Variants in RYR2 observed in about 807,000 individuals in gnomAD.
RYR2 encodes the protein cardiac muscle ryanodine receptor-calcium release channel.
RYR2 carries 227 observed loss-of-function variants against 601.1 expected under a neutral mutation model. The observed-to-expected ratio is 0.38, with a 90% CI of 0.34 to 0.42. The LOEUF (loss-of-function observed/expected upper bound fraction) is 0.42, where lower values mean the gene tolerates loss of function less well. Ranked by LOEUF, RYR2 falls within the 10% of genes least tolerant of loss-of-function variation. The probability of loss-of-function intolerance (pLI) is 1.00; values close to 1 mark genes in which losing one functional copy is unlikely to be tolerated. For synonymous variants in RYR2, 2,223 were observed against 2,175.1 expected, an observed-to-expected ratio of 1.02 and a Z score of -0.61; for missense variants, 4,646 against 6,156.5, an observed-to-expected ratio of 0.75 and a Z score of 8.21.
intron 97 of RYR2, among the ~76,000 whole-genome samples, chr1:237,800,236 T>A (rs1659801835): frequency 6.6e-6 from 1 of 152,210 alleles, no homozygotes; most frequent in African/African-American, 2.4e-5. Flanking sequence ...TGTTTTAGAT[T>A]GCTTTAATGT....
At position 237,428,049 on chromosome 1, in the gene RYR2, A is replaced by C. The variant is rs146710298; in HGVS notation, c.1005+4801A>C. Among the ~76,000 whole-genome samples, 5 of 152,196 alleles carry C rather than the reference A, an allele frequency of 3.3e-5. No individual in the cohort carries two copies. In the Middle Eastern group the frequency reaches 9.5e-3, roughly 289 times the overall value. On this transcript the variant is annotated intron_variant, in intron 12 of 104. Coordinates refer to ENST00000366574, the MANE Select transcript of RYR2 (RefSeq NM_001035.3). ...ATAAATGCAAATCAAAACCACAATG[A>C]GATACCAACTCATACCAGTCAAAAT...
intron 1 of RYR2, among the ~76,000 whole-genome samples, chr1:237,192,954 G>A (rs955185854): frequency 6.6e-6 from 1 of 151,788 alleles, no homozygotes; most frequent in Non-Finnish European, 1.5e-5. Flanking sequence ...GTATCCTTCC[G>A]AATCCCAAAT....
intron 1 of RYR2, among the ~76,000 whole-genome samples, chr1:237,109,257 A>G (rs572352225): frequency 1.1e-4 from 17 of 152,040 alleles, no homozygotes; most frequent in Admixed American, 9.8e-4. Flanking sequence ...ATAGGTTGCA[A>G]AGAAAAATGT....
At chr1:237,569,116 G>A (rs369469115) in intron 28 of RYR2, 29 bp from the exon 29 acceptor site, 217 of 1,591,446 alleles carry the variant, frequency 1.4e-4, no homozygotes, top group Middle Eastern at 8.7e-4. Flanking sequence ...CTTAGTCTGT[G>A]ACAAGGGACT....
intron 97 of RYR2, among the ~76,000 whole-genome samples, chr1:237,801,456 C>T (rs945267072): frequency 4.0e-5 from 6 of 148,292 alleles, no homozygotes; most frequent in Non-Finnish European, 7.4e-5. Flanking sequence ...GCACGAGAAT[C>T]GCTTGAACCG....
chr1:237,435,981 C>T (rs752054495), intron 12 of RYR2, among the ~76,000 whole-genome samples: 1 of 152,124 alleles, frequency 6.6e-6, no homozygotes, highest in Non-Finnish European at 1.5e-5. Flanking sequence ...TAGGCATGGG[C>T]TGATGCTGTT....
intron 2 of RYR2, among the ~76,000 whole-genome samples, chr1:237,287,830 T>C (rs568560120): frequency 1.3e-5 from 2 of 152,290 alleles, no homozygotes; most frequent in African/African-American, 4.8e-5. Context: ...GATTTCTTCT[T>C]GGTTTGGAGC....
At chr1:237,385,453 G>A (rs1300455273) in intron 8 of RYR2, among the ~76,000 whole-genome samples, 1 of 152,172 alleles carries the variant, frequency 6.6e-6, no homozygotes, top group African/African-American at 2.4e-5. Context: ...AGCATTTTGT[G>A]TATGTATTTT....
chr1:237,280,844 G>C (rs1690782601), intron 2 of RYR2, among the ~76,000 whole-genome samples: 1 of 151,688 alleles, frequency 6.6e-6, no homozygotes, highest in Non-Finnish European at 1.5e-5. Flanking sequence ...GAGTGCAGTG[G>C]TGCAATCTCG....
At chr1:237,823,036 A>G (rs952732237) in intron 101 of RYR2, among the ~76,000 whole-genome samples, 3 of 152,202 alleles carry the variant, frequency 2.0e-5, no homozygotes, top group Non-Finnish European at 2.9e-5. Context: ...GCATAAAGCA[A>G]GTTCTTAGAG....
chr1:237,248,923 G>A lies in RYR2; in HGVS notation c.49-21574G>A, dbSNP rs939194120. 5.9e-5 allele frequency among the ~76,000 whole-genome samples: 9 copies of A among 151,906 alleles called. No individual in the cohort carries two copies. In the South Asian group the frequency reaches 6.2e-4, roughly 11 times the overall value. On this transcript the variant is annotated intron_variant, in intron 1 of 104. Transcript: ENST00000366574. ...ATTACAGGCATGCGCCACCACGTCC[G>A]GCTAATGTTTTTTGTAGTTTTAGTA...
chr1:237,436,453 C>CATTTTTTTT (rs1491092540), intron 12 of RYR2, among the ~76,000 whole-genome samples: 2 of 55,828 alleles, frequency 3.6e-5, no homozygotes, highest in Non-Finnish European at 6.2e-5. Context: ...GTGTGATTTT[C>CATTTTTTTT]CTTTTTTTTT....
At chr1:237,064,707 C>T (rs1033170848) in intron 1 of RYR2, among the ~76,000 whole-genome samples, 3 of 140,004 alleles carry the variant, frequency 2.1e-5, no homozygotes, top group African/African-American at 8.1e-5. Context: ...CATGTGAATA[C>T]CTGCAGTTTT....
intron 1 of RYR2, among the ~76,000 whole-genome samples, chr1:237,150,682 C>A (rs1024740337): frequency 5.9e-5 from 9 of 152,046 alleles, no homozygotes; most frequent in Admixed American, 5.2e-4. Context: ...AACTATGGTG[C>A]CTTTTCCAGG....
chr1:237,523,268 T>C (rs953506572), intron 24 of RYR2, among the ~76,000 whole-genome samples: 1 of 152,152 alleles, frequency 6.6e-6, no homozygotes, highest in African/African-American at 2.4e-5. Flanking sequence ...AAAGAAGCCA[T>C]TAAGAAAATG....
chr1:237,425,758 G>A (rs1706089063), intron 12 of RYR2, among the ~76,000 whole-genome samples: 1 of 151,944 alleles, frequency 6.6e-6, no homozygotes, highest in Non-Finnish European at 1.5e-5. Context: ...GGAAGAAGAG[G>A]GGCTGGTCTT....
rs1426615575 is a variant in RYR2 at position 237,380,419 on chromosome 1, TA to T, written c.576+2985del. Among the ~76,000 whole-genome samples the T allele has an allele frequency of 1.3e-3, 65 of 48,288 alleles. 4 individuals carry two copies. The highest frequency in any genetic ancestry group is 4.9e-3 in the African/African-American group (64 of 13,008). 31.7% of individuals were successfully genotyped at this position (48,288 alleles called of 152,430 possible). Reference sequence around the variant, plus strand: ...ATATATATATATATATATATATATATATAGTAAATACGAAGTCTGGTGAGTA... The same window carrying T: ...ATATATATATATATATATATATATATTAGTAAATACGAAGTCTGGTGAGTA... On this transcript the variant is annotated intron_variant, in intron 8 of 104. Coordinates refer to ENST00000366574, the MANE Select transcript of RYR2 (RefSeq NM_001035.3).
chr1:237,134,232 G>T (rs746092854), intron 1 of RYR2, among the ~76,000 whole-genome samples: 3 of 152,146 alleles, frequency 2.0e-5, no homozygotes, highest in Non-Finnish European at 2.9e-5. Context: ...ATTACTGAGA[G>T]AGTCCCTCCC....
intron 17 of RYR2, among the ~76,000 whole-genome samples, chr1:237,488,199 T>A (rs1662911457): frequency 6.6e-6 from 1 of 152,214 alleles, no homozygotes; most frequent in African/African-American, 2.4e-5. Context: ...TATATTGTAT[T>A]CCACGATTGG....
Sources: gnomAD v4.1 joint callset for allele counts (sites outside exome capture counted in the v4.1 genomes callset) on GRCh38, gnomAD v4.1.1 for gene constraint, MANE v1.5 for transcripts, NCBI Gene and HGNC (gene_info 2026-07-23, HGNC 2026-07-21) for gene names.